Variants in PCIF1 observed in about 807,000 individuals in gnomAD.
PCIF1 encodes the protein mRNA (2'-O-methyladenosine-N(6)-)-methyltransferase.
In PCIF1, 12 loss-of-function variants were observed where a neutral mutation model predicts 86.9. The ratio of observed to expected loss-of-function variants is 0.14; its 90% CI spans 0.09 to 0.22. PCIF1 has a LOEUF of 0.22. Ranked by LOEUF, PCIF1 falls within the 10% of genes least tolerant of loss-of-function variation. The pLI, the probability that PCIF1 is intolerant of heterozygous loss-of-function variation, is 1.00. For synonymous variants in PCIF1, 397 were observed against 372.0 expected (o/e 1.07, Z -0.77); for missense variants, 701 against 951.1 (o/e 0.74, Z 3.46).
intron 4 of PCIF1, among the ~76,000 whole-genome samples, chr20:45,939,770 G>A (rs1455607028): frequency 6.6e-6 from 1 of 152,232 alleles, no homozygotes; most frequent in African/African-American, 2.4e-5. Context: ...GTGAGTGAGT[G>A]TGGGGAGGAA....
In PCIF1 at chr20:45,945,022, A is replaced by T; in HGVS notation, c.1160A>T (p.Asn387Ile). The change falls in exon 11 of 17, where the codon AAC becomes ATC. Residue 387 changes from asparagine to isoleucine, a missense_variant. Coordinates refer to ENST00000372409, the MANE Select transcript of PCIF1 (RefSeq NM_022104.4). The part of the protein sequence containing the change: ...EKHLAILKEN[N>I]ISEEVEAPEV... ...CACCTTGCCATCCTCAAGGAAAACA[A>T]CATCTCAGGTAGGGGAAAGGTGAAG... is the stretch of plus-strand genomic sequence containing the variant. 2 of 1,609,850 alleles carry T rather than the reference A, an allele frequency of 1.2e-6. No homozygotes were observed. The highest frequency in any genetic ancestry group is 1.7e-6 in the Non-Finnish European group (2 of 1,178,130).
intron 10 of PCIF1, among the ~76,000 whole-genome samples, 173 bp from the exon 11 acceptor site, chr20:45,944,695 G>C (rs2083505060): frequency 6.6e-6 from 1 of 152,220 alleles, no homozygotes; most frequent in African/African-American, 2.4e-5. Flanking sequence ...CTTGACACTT[G>C]AGGAATAAGA....
intron 11 of PCIF1, 95 bp from the exon 12 acceptor site, chr20:45,945,616 T>G: frequency 7.0e-7 from 1 of 1,438,120 alleles, no homozygotes; most frequent in Non-Finnish European, 9.5e-7. Flanking sequence ...ATCTGTGGAA[T>G]GGGACTTCCC....
In PCIF1 at chr20:45,947,295, C is replaced by T. The variant is rs779839055; in HGVS notation, c.1740C>T (p.Ser580=). 11 of 1,613,804 alleles carry T rather than the reference C, an allele frequency of 6.8e-6. No homozygotes were observed. The highest frequency in any genetic ancestry group is 9.3e-6 in the Non-Finnish European group (11 of 1,179,886). ...RLLESSPEPL[S]FIVFIPEWRE... ...TTGAGAGCTCACCGGAGCCCCTGTCCTTCATCGTGTTCATCCCTGAGTGGC... is the reference window on the plus strand; with the variant it reads ...TTGAGAGCTCACCGGAGCCCCTGTCTTTCATCGTGTTCATCCCTGAGTGGC... The change falls in exon 16 of 17, where the codon TCC becomes TCT. Residue 580 remains serine (S), a synonymous_variant. Transcript: ENST00000372409. This position sits in a 1 kb window ranked among gnomAD's most constrained non-coding sequence, Gnocchi z 5.4.
At chr20:45,937,141 T>C (rs1484940711) in intron 1 of PCIF1, among the ~76,000 whole-genome samples, 2 of 152,210 alleles carry the variant, frequency 1.3e-5, no homozygotes, top group South Asian at 2.1e-4. Context: ...TAAAAAGTTA[T>C]TAAAAATTTT....
At chr20:45,944,172 G>C (rs948563924) in intron 10 of PCIF1, among the ~76,000 whole-genome samples, 2 of 152,076 alleles carry the variant, frequency 1.3e-5, no homozygotes, top group African/African-American at 2.4e-5. Flanking sequence ...GTCCAAAACA[G>C]TTCTGTTTTC....
Position 45,938,514 on chromosome 20 carries a change from C to T in PCIF1, c.-19-467C>T, listed in dbSNP as rs528393242. 1.8e-4 allele frequency among the ~76,000 whole-genome samples: 28 copies of T among 152,252 alleles called. No individual in the cohort carries two copies. The South Asian group carries it at 5.0e-3, about 27-fold the overall frequency. ...AAATATTTGCAGAATCAGTAGTGCT[C>T]CTGTTGGGTCCAGGTCCTAGGCCTG... On this transcript the variant is annotated intron_variant, in intron 2 of 16. Coordinates refer to ENST00000372409, the MANE Select transcript of PCIF1 (RefSeq NM_022104.4).
At chr20:45,940,257 C>T (rs1214983293) in intron 4 of PCIF1, among the ~76,000 whole-genome samples, 1 of 152,136 alleles carries the variant, frequency 6.6e-6, no homozygotes, top group Non-Finnish European at 1.5e-5. Flanking sequence ...TTAGCATGGC[C>T]ATTCTGAAGG....
Position 45,945,864 on chromosome 20 carries a change from G to A in PCIF1, c.1322G>A (p.Arg441His), listed in dbSNP as rs377028795. The change falls in exon 12 of 17, where the codon CGC (arginine) becomes CAC (histidine). Residue 441 changes from arginine (R) to histidine (H), a missense_variant. Around this residue, in one of 7 missense-constraint regions of PCIF1, gnomAD observed 121 missense variants for 131.7 expected, o/e 0.92. Coordinates refer to ENST00000372409, the MANE Select transcript of PCIF1 (RefSeq NM_022104.4). ...AAGGGAGAGATGGTCAAGGTCAGCC[G>A]CAACTACTTCAGCAAGCTGGTAAGA... ...RYKGEMVKVS[R>H]NYFSKLWLLY... The A allele has an allele frequency of 8.9e-5, 144 of 1,613,692 alleles. No individual in the cohort carries two copies. The highest frequency in any genetic ancestry group is 2.2e-4 in the Admixed American group (13 of 60,002).
chr20:45,935,085 C>T (rs934863692), intron 1 of PCIF1, among the ~76,000 whole-genome samples: 7 of 151,496 alleles, frequency 4.6e-5, no homozygotes, highest in Non-Finnish European at 8.9e-5. Context: ...TCGCCTCAGC[C>T]CGGGGGCGGG....
Position 45,947,544 on chromosome 20 carries a change from C to G in PCIF1, c.1904C>G (p.Ala635Gly). 1.2e-6 allele frequency: 2 copies of G among 1,613,810 alleles called. No homozygotes were observed. The highest frequency in any genetic ancestry group is 1.7e-6 in the Non-Finnish European group (2 of 1,180,032). The change falls in exon 17 of 17, where the codon GCC becomes GGC. Residue 635 changes from alanine to glycine, a missense_variant. Transcript: ENST00000372409. The surrounding 1 kb of genome is among the most constrained non-coding windows in gnomAD (Gnocchi z 5.4). The stretch of plus-strand genomic sequence containing the variant: ...CGCAGGGAGGAAATGCACTACAAGG[C>G]CGTCCACAACACGGCTGTGCTCTTC... The part of the protein sequence containing the change: ...ICKKEEMHYK[A>G]VHNTAVLFLQ...
intron 14 of PCIF1, 140 bp from the exon 15 acceptor site, chr20:45,946,933 G>GC: frequency 1.5e-6 from 1 of 667,468 alleles, no homozygotes; most frequent in Non-Finnish European, 2.6e-6. Flanking sequence ...CATGCCTTGT[G>GC]CCCCAATGAA....
chr20:45,939,330 C>G lies in PCIF1; in HGVS notation c.240C>G (p.His80Gln). ...GGGAGATGCCCGTGCTGGGGCAGCA[C>G]GATGTGATTGTGAGTGCCAGCCTAG... ...SLWEMPVLGQ[H>Q]DVISDPLGLN... Residue 80 changes from histidine (H) to glutamine (Q), a missense_variant, in exon 4 of 17, where the codon CAC becomes CAG. Physicochemically the swap from His to Gln is conservative, Grantham distance 24. Coordinates refer to ENST00000372409, the MANE Select transcript of PCIF1 (RefSeq NM_022104.4). 6.2e-7 allele frequency: 1 copy of G among 1,613,346 alleles called. No individual in the cohort carries two copies. The highest frequency in any genetic ancestry group is 8.5e-7 in the Non-Finnish European group (1 of 1,179,928).
At chr20:45,938,791 G>A (rs1756756618) in intron 2 of PCIF1, among the ~76,000 whole-genome samples, 190 bp from the exon 3 acceptor site, 1 of 152,188 alleles carries the variant, frequency 6.6e-6, no homozygotes, top group African/African-American at 2.4e-5. Flanking sequence ...GGAAGCAGCA[G>A]GAGTGCACCC....
chr20:45,940,927 T>C lies in PCIF1; in HGVS notation c.506T>C (p.Leu169Pro), dbSNP rs763238295. The C allele has an allele frequency of 1.2e-6, 2 of 1,614,154 alleles. No homozygotes were observed. Among genetic ancestry groups the C allele is most frequent in the South Asian group, 2.2e-5 (2 of 91,078 alleles). ...SPEDKQQAAL[L>P]RPTEVYWDLD... ...GAAGATAAACAGCAGGCAGCTCTCC[T>C]ACGACCCACTGAGTGAGTCCCTGCT... Residue 169 changes from leucine (L) to proline (P), a missense_variant, in exon 6 of 17, where the codon CTA becomes CCA. Leu to Pro is a moderately conservative substitution (Grantham distance 98). This residue lies in a region of PCIF1 where 125 missense variants were observed against 126.8 expected (regional missense o/e 0.99). Coordinates refer to ENST00000372409, the MANE Select transcript of PCIF1 (RefSeq NM_022104.4).
chr20:45,947,202 G>T lies in PCIF1; in HGVS notation c.1707+36G>T. The T allele has an allele frequency of 6.2e-7, 1 of 1,601,878 alleles. No homozygotes were observed. On this transcript the variant is annotated intron_variant, in intron 15 of 16. Coordinates refer to ENST00000372409, the MANE Select transcript of PCIF1 (RefSeq NM_022104.4). The surrounding 1 kb of genome is among the most constrained non-coding windows in gnomAD (Gnocchi z 5.4). ...TGCCAGGGTGAGAGGTGGGCAACAGGCAGGATTGCCAGCCACCTGGGAGGT... is the reference window on the plus strand; with the variant it reads ...TGCCAGGGTGAGAGGTGGGCAACAGTCAGGATTGCCAGCCACCTGGGAGGT...
In PCIF1 at chr20:45,946,006, C is replaced by T. The variant is rs780602911; in HGVS notation, c.1342-23C>T. 7 of 1,613,858 alleles carry T rather than the reference C, an allele frequency of 4.3e-6. No individual in the cohort carries two copies. In the Admixed American group the frequency reaches 1.2e-4, roughly 27 times the overall value. On this transcript the variant is annotated intron_variant, in intron 12 of 16. Transcript: ENST00000372409. ...CATGAGGGAGCACTGCTGAAGGCTC[C>T]TCCTCTCTGTCCCGCTCCACAGTGG...
rs1323407009 is a variant in PCIF1, at chr20:45,943,424, G to A, written c.905+1G>A. On this transcript the variant is annotated splice_donor_variant, in intron 9 of 16. Coordinates refer to ENST00000372409, the MANE Select transcript of PCIF1 (RefSeq NM_022104.4). LOFTEE classifies it high-confidence loss of function. The surrounding 1 kb of genome is among the most constrained non-coding windows in gnomAD (Gnocchi z 5.5). The stretch of plus-strand genomic sequence containing the variant: ...CCGCCAGGCGGCTCATCGAGTCCAG[G>A]TTTGCCTGTCTTCTGCCCCAGGCGA... 1 of 1,612,522 alleles carries A rather than the reference G, an allele frequency of 6.2e-7. No homozygotes were observed. Among genetic ancestry groups the A allele is most frequent in the Admixed American group, 1.7e-5 (1 of 59,994 alleles).
Position 45,943,300 on chromosome 20 carries a change from T to C in PCIF1, c.822-40T>C, listed in dbSNP as rs2083492023. 4 of 1,613,934 alleles carry C rather than the reference T, an allele frequency of 2.5e-6. No homozygotes were observed. Among genetic ancestry groups the C allele is most frequent in the Non-Finnish European group, 3.4e-6 (4 of 1,179,794 alleles). On this transcript the variant is annotated intron_variant, in intron 8 of 16. Coordinates refer to ENST00000372409, the MANE Select transcript of PCIF1 (RefSeq NM_022104.4). The surrounding 1 kb of genome is among the most constrained non-coding windows in gnomAD (Gnocchi z 5.5). ...GCCATTTGGTTTCTGTGCCCAGTCA[T>C]GTATAGAAGGCCTCTAACTCTGCCC...
Sources: gnomAD v4.1 joint callset for allele counts (sites outside exome capture counted in the v4.1 genomes callset) on GRCh38, gnomAD v4.1.1 for gene constraint, gnomAD v4.1.1 regional missense constraint, Gnocchi (gnomAD v3.1) non-coding constraint, MANE v1.5 for transcripts, NCBI Gene and HGNC (gene_info 2026-07-23, HGNC 2026-07-21) for gene names.